CPNE5: variants seen among roughly 807,000 people sequenced by gnomAD.
The protein encoded by CPNE5 is copine-5.
In CPNE5, 42 loss-of-function variants were observed where a neutral mutation model predicts 81.1. The ratio of observed to expected loss-of-function variants is 0.52; its 90% CI spans 0.40 to 0.67. CPNE5 has a LOEUF of 0.67. Among genes scored for constraint, CPNE5 ranks in the 30% least tolerant of loss-of-function variants. The pLI, the probability that CPNE5 is intolerant of heterozygous loss-of-function variation, is 0.00. For missense variants in CPNE5, 612 were observed against 815.5 expected (o/e 0.75, Z 3.04); for synonymous variants, 313 against 321.5 (o/e 0.97, Z 0.28).
At chr6:36,761,762 TA>T (rs1335627057) in intron 12 of CPNE5, among the ~76,000 whole-genome samples, 6 of 152,162 alleles carry the variant, frequency 3.9e-5, no homozygotes, top group Non-Finnish European at 8.8e-5. Context: ...GTCACGTAGC[TA>T]GTAAGTGGTA....
chr6:36,774,966 G>A lies in CPNE5; in HGVS notation c.732C>T (p.Tyr244=), dbSNP rs775776655. ...IPVRALCNGD[Y]DRTIKVEVYD... ...GGGACATTTTCTCATCTCACCGATCGTAGTCGCCGTTGCAGAGGGCTCTCA... is the reference window on the plus strand; with the variant it reads ...GGGACATTTTCTCATCTCACCGATCATAGTCGCCGTTGCAGAGGGCTCTCA... The change falls in exon 10 of 21, where the codon TAC becomes TAT. Residue 244 remains tyrosine (Y), a synonymous_variant. Transcript: ENST00000244751. 1.6e-5 allele frequency: 25 copies of A among 1,612,288 alleles called. No individual in the cohort carries two copies. The highest frequency in any genetic ancestry group is 3.3e-5 in the South Asian group (3 of 91,028).
chr6:36,803,071 C>G (rs1406593385), intron 3 of CPNE5, among the ~76,000 whole-genome samples: 1 of 152,016 alleles, frequency 6.6e-6, no homozygotes, highest in Non-Finnish European at 1.5e-5. Context: ...GAGGGAAGCT[C>G]CCACTCCAGG....
rs905923975 is a variant in CPNE5, at chr6:36,741,937, T to C, written c.*331A>G. On this transcript the variant is annotated 3_prime_UTR_variant, in exon 21 of 21. Coordinates refer to ENST00000244751, the MANE Select transcript of CPNE5 (RefSeq NM_020939.2). ...GGCTTCAGGGTGACAGGTAAGCAAA[T>C]AGGATTGCCGGGGGTGGGCGACAGG... The C allele has an allele frequency of 3.5e-6, 1 of 287,072 alleles. No homozygotes were observed. Among genetic ancestry groups the C allele is most frequent in the East Asian group, 6.4e-5 (1 of 15,680 alleles). 17.8% of individuals were successfully genotyped at this position (287,072 alleles called of 1,614,324 possible).
Position 36,745,204 on chromosome 6 carries a change from C to T in CPNE5, c.1329-54G>A, listed in dbSNP as rs140911115. The T allele has an allele frequency of 4.1e-5, 62 of 1,499,908 alleles. No homozygotes were observed. The Middle Eastern group carries it at 6.9e-4, about 17-fold the overall frequency. The allele number at this position is 1,499,908 out of a possible 1,614,324, so 92.9% of individuals were successfully genotyped here. ...TGTCTGCGGGACCTCTGGGCATGTT[C>T]CCCCCTAAACAAGGACCCTGAACAC... On this transcript the variant is annotated intron_variant, in intron 17 of 20. Coordinates refer to ENST00000244751, the MANE Select transcript of CPNE5 (RefSeq NM_020939.2).
Position 36,745,084 on chromosome 6 carries a change from G to A in CPNE5, c.1395C>T (p.Ile465=). 2.5e-6 allele frequency: 4 copies of A among 1,614,132 alleles called. No homozygotes were observed. The highest frequency in any genetic ancestry group is 2.7e-5 in the African/African-American group (2 of 75,064). Residue 465 remains isoleucine, a synonymous_variant, in exon 18 of 21, where the codon ATC becomes ATT. Coordinates refer to ENST00000244751, the MANE Select transcript of CPNE5 (RefSeq NM_020939.2). ...CCTCCTTGGTCTGCGCCATGTCCGA[G>A]ATGACCCCATCAGTAATGATGAGCA... ...SVLLIITDGV[I]SDMAQTKEAI... is the part of the protein sequence containing the mutation.
intron 15 of CPNE5, among the ~76,000 whole-genome samples, chr6:36,747,863 A>G (rs1010791): frequency 0.74 from 112,130 of 152,082 alleles, 41,552 homozygotes; most frequent in African/African-American, 0.77. Flanking sequence ...CTTGGCTCTG[A>G]TTCTCCACTC....
intron 1 of CPNE5, among the ~76,000 whole-genome samples, chr6:36,829,541 G>A (rs146607673): frequency 1.3e-5 from 2 of 151,546 alleles, no homozygotes; most frequent in East Asian, 2.0e-4. Context: ...GGCTGGGCAC[G>A]GTGGCTCACA....
At chr6:36,828,542 A>G (rs72846026) in intron 1 of CPNE5, among the ~76,000 whole-genome samples, 29 of 152,332 alleles carry the variant, frequency 1.9e-4, no homozygotes, top group Non-Finnish European at 3.7e-4. Flanking sequence ...GCATCAATGC[A>G]CTGAGCAAAG....
chr6:36,806,040 T>C (rs1770560762), intron 3 of CPNE5, among the ~76,000 whole-genome samples: 1 of 152,094 alleles, frequency 6.6e-6, no homozygotes, highest in Non-Finnish European at 1.5e-5. Flanking sequence ...AGGGCTGAGG[T>C]TGAGAACCCA....
rs1561838249 is a variant in CPNE5, at chr6:36,839,403, T to G, written c.-26A>C. On this transcript the variant is annotated 5_prime_UTR_variant, in exon 1 of 21. Coordinates refer to ENST00000244751, the MANE Select transcript of CPNE5 (RefSeq NM_020939.2). The surrounding 1 kb of genome is among the most constrained non-coding windows in gnomAD (Gnocchi z 7.3). ...CGCCCACCGCACCCCCCACCCCAAA[T>G]TAGTCAATCCCTGCGCGATTCACGC... The G allele has an allele frequency of 6.5e-7, 1 of 1,528,250 alleles. No homozygotes were observed. Among genetic ancestry groups the G allele is most frequent in the Non-Finnish European group, 8.8e-7 (1 of 1,131,526 alleles). The allele number at this position is 1,528,250 out of a possible 1,614,324, so 94.7% of individuals were successfully genotyped here.
At chr6:36,800,121 C>T in intron 3 of CPNE5, 51 bp from the exon 4 acceptor site, 1 of 1,379,212 alleles carries the variant, frequency 7.3e-7, no homozygotes, top group Non-Finnish European at 1.0e-6. Flanking sequence ...GTGGGGCCGG[C>T]TGGTGGGGCA....
In CPNE5 at chr6:36,798,470, A is replaced by C; in HGVS notation, c.312T>G (p.Pro104=). The C allele has an allele frequency of 6.2e-7, 1 of 1,614,136 alleles. No individual in the cohort carries two copies. The highest frequency in any genetic ancestry group is 8.5e-7 in the Non-Finnish European group (1 of 1,179,966). Residue 104 remains proline (P), a synonymous_variant, in exon 5 of 21, where the codon CCT becomes CCG. Transcript: ENST00000244751. ...FDLYDVDSKS[P]DLSKHDFLGQ... ...CAGAACTCACGTGTTTGGATAAATC[A>C]GGACTCTTAGAGTCAACGTCGTATC... is the stretch of plus-strand genomic sequence containing the variant.
At position 36,746,194 on chromosome 6, in the gene CPNE5, T is replaced by C; in HGVS notation, c.1200+202A>G. Reference sequence around the variant, plus strand: ...CCAGGGCCAGCTGTGGGCAGGCAGCTTCAGACATGGAGGGGCAGCATCTGT... The same window carrying C: ...CCAGGGCCAGCTGTGGGCAGGCAGCCTCAGACATGGAGGGGCAGCATCTGT... On this transcript the variant is annotated intron_variant, in intron 16 of 20. Transcript: ENST00000244751. This position sits in a 1 kb window ranked among gnomAD's most constrained non-coding sequence, Gnocchi z 4.5. The C allele has an allele frequency of 1.0e-6, 1 of 985,386 alleles. No homozygotes were observed. The highest frequency in any genetic ancestry group is 1.2e-6 in the Non-Finnish European group (1 of 829,910). The allele number at this position is 985,386 out of a possible 1,614,324, so 61.0% of individuals were successfully genotyped here.
chr6:36,791,644 C>G (rs1769102903), intron 8 of CPNE5, among the ~76,000 whole-genome samples: 1 of 152,162 alleles, frequency 6.6e-6, no homozygotes, highest in African/African-American at 2.4e-5. Context: ...AAAATGACAG[C>G]TAAATGTCAA....
At chr6:36,798,100 A>G in intron 6 of CPNE5, 65 bp downstream of exon 6, 1 of 1,304,906 alleles carries the variant, frequency 7.7e-7, no homozygotes, top group Non-Finnish European at 1.1e-6. Context: ...CCCCATCCTG[A>G]GCCAGCCCCC....
intron 15 of CPNE5, among the ~76,000 whole-genome samples, chr6:36,747,437 T>C (rs1017771011): frequency 2.0e-5 from 3 of 152,222 alleles, no homozygotes; most frequent in Non-Finnish European, 4.4e-5. Flanking sequence ...AGAGCAATAA[T>C]AGTTCCTACT....
chr6:36,833,462 C>T (rs1463800375), intron 1 of CPNE5, among the ~76,000 whole-genome samples: 3 of 152,114 alleles, frequency 2.0e-5, no homozygotes, highest in African/African-American at 4.8e-5. Context: ...ATAACAAAGG[C>T]GATCAGATAT....
At chr6:36,824,056 CAAT>C (rs1334660819) in intron 1 of CPNE5, among the ~76,000 whole-genome samples, 1 of 152,182 alleles carries the variant, frequency 6.6e-6, no homozygotes, top group Non-Finnish European at 1.5e-5. Context: ...CTCATCAGTA[CAAT>C]GAGACGGTAG....
chr6:36,801,405 G>T (rs142271115), intron 3 of CPNE5, among the ~76,000 whole-genome samples: 22 of 152,274 alleles, frequency 1.4e-4, no homozygotes, highest in Admixed American at 7.8e-4. Flanking sequence ...TGGGCTAGGT[G>T]GTGTTCCACT....
Sources: allele counts gnomAD v4.1 joint callset (sites outside exome capture counted in the v4.1 genomes callset), GRCh38; gene constraint gnomAD v4.1.1; non-coding constraint Gnocchi (gnomAD v3.1); transcripts MANE v1.5; gene names NCBI Gene and HGNC (gene_info 2026-07-23, HGNC 2026-07-21).